The following GRXCR2 variants were observed in gnomAD, a reference collection of about 807,000 sequenced individuals.
GRXCR2 encodes glutaredoxin and cysteine rich domain containing 2.
GRXCR2 carries 23 observed loss-of-function variants against 24.8 expected under a neutral mutation model. The ratio of observed to expected loss-of-function variants is 0.93; its 90% confidence interval spans 0.67 to 1.32. The LOEUF (loss-of-function observed/expected upper bound fraction) is 1.32. Among genes scored for constraint, GRXCR2 ranks in the 40% most tolerant of loss-of-function variants. The pLI is 0.00. For missense variants in GRXCR2, 315 were observed against 303.4 expected (o/e 1.04, Z -0.28); for synonymous variants, 130 against 116.1 (o/e 1.12, Z -0.77).
downstream of GRXCR2, among the ~76,000 whole-genome samples, chr5:145,858,369 T>A (rs1756276320): frequency 6.7e-6 from 1 of 148,588 alleles, no homozygotes; most frequent in South Asian, 2.1e-4. Context: ...CTTCCTCTAG[T>A]ATTCTGAAAA....
At chr5:145,860,502 G>A (rs1756317085) in intron 2 of GRXCR2, among the ~76,000 whole-genome samples, 1 of 152,180 alleles carries the variant, frequency 6.6e-6, no homozygotes, top group African/African-American at 2.4e-5. Flanking sequence ...TAATGCCTAT[G>A]TGCACAGCCC....
rs1757112237 is a variant in GRXCR2 at position 145,907,756 on chromosome 5, A to G, written c.-70+27945T>C. Among the ~76,000 whole-genome samples the G allele has an allele frequency of 1.3e-5, 2 of 152,240 alleles. 1 individual carries two copies. The highest frequency in any genetic ancestry group is 3.9e-4 in the East Asian group (2 of 5,172). On this transcript the variant is annotated intron_variant, in intron 2 of 3. Transcript: ENST00000639411. ...GAAGTGTTGGGGAAGAAGAATAGGT[A>G]TTGGGGACAGAGTGGTGGAGGAGCT...
intron 2 of GRXCR2, among the ~76,000 whole-genome samples, chr5:145,902,649 TGAA>T (rs1184823315): frequency 2.0e-5 from 3 of 152,332 alleles, no homozygotes; most frequent in African/African-American, 7.2e-5. Context: ...AAGTTAAACA[TGAA>T]GAAGAGGTTG....
At chr5:145,931,531 C>G (rs1757477887) in intron 2 of GRXCR2, among the ~76,000 whole-genome samples, 1 of 152,210 alleles carries the variant, frequency 6.6e-6, no homozygotes, top group South Asian at 2.1e-4. Flanking sequence ...GAGGAAATCT[C>G]ACATCTGACT....
At chr5:145,890,054 C>A (rs560070559) in intron 2 of GRXCR2, among the ~76,000 whole-genome samples, 1 of 152,098 alleles carries the variant, frequency 6.6e-6, no homozygotes, top group Non-Finnish European at 1.5e-5. Context: ...TGAACTAAAC[C>A]AATCTGACAA....
chr5:145,910,664 C>G (rs1348122349), intron 2 of GRXCR2, among the ~76,000 whole-genome samples: 3 of 152,140 alleles, frequency 2.0e-5, no homozygotes, highest in Non-Finnish European at 2.9e-5. Flanking sequence ...CCTATCTGCA[C>G]TGTCATGGGG....
chr5:145,891,513 C>T lies in GRXCR2; in HGVS notation c.-69-24785G>A, dbSNP rs141381096. On this transcript the variant is annotated intron_variant, in intron 2 of 3. Coordinates refer to the GRXCR2 transcript ENST00000639411. ...CCTGTGCCTGGCTCGGAGGGTCCTA[C>T]GCCCACGGAGCCTTGCTCACTGCTA... Among the ~76,000 whole-genome samples, 85 of 152,332 alleles carry T rather than the reference C, an allele frequency of 5.6e-4. 2 individuals are homozygous for T. In the East Asian group the frequency reaches 0.011, roughly 20 times the overall value.
chr5:145,916,056 T>A (rs1308450353), intron 2 of GRXCR2, among the ~76,000 whole-genome samples: 7 of 152,286 alleles, frequency 4.6e-5, no homozygotes, highest in Non-Finnish European at 8.8e-5. Context: ...AAGCAGATGA[T>A]GCTCTGCAGA....
chr5:145,914,297 C>T (rs1757205233), intron 2 of GRXCR2, among the ~76,000 whole-genome samples: 1 of 152,128 alleles, frequency 6.6e-6, no homozygotes, highest in South Asian at 2.1e-4. Flanking sequence ...CTTATCATTT[C>T]ACTTGGTCTA....
chr5:145,879,413 T>C (rs1052179631), intron 2 of GRXCR2, among the ~76,000 whole-genome samples: 1 of 145,842 alleles, frequency 6.9e-6, no homozygotes, highest in African/African-American at 2.5e-5. Flanking sequence ...TAGTCTCTGA[T>C]AAAATAGACT....
rs74558600 is a variant in GRXCR2, at chr5:145,909,650, C to T, written c.-70+26051G>A. ...GCCAGAATATAAGCATGGACTTTGG[C>T]TTCTTCATCAATGCCTAGAATAGTG... On this transcript the variant is annotated intron_variant, in intron 2 of 3. Transcript: ENST00000639411. 2.0e-5 allele frequency among the ~76,000 whole-genome samples: 3 copies of T among 152,270 alleles called. No individual in the cohort carries two copies. In the East Asian group the frequency reaches 5.8e-4, roughly 29 times the overall value.
At chr5:145,896,834 C>G (rs796850465) in intron 2 of GRXCR2, among the ~76,000 whole-genome samples, 1 of 151,938 alleles carries the variant, frequency 6.6e-6, no homozygotes, top group Non-Finnish European at 1.5e-5. Context: ...CACATGCACA[C>G]GTATGTTTAT....
At chr5:145,907,093 G>A (rs1340147862) in intron 2 of GRXCR2, among the ~76,000 whole-genome samples, 2 of 152,102 alleles carry the variant, frequency 1.3e-5, no homozygotes, top group African/African-American at 4.8e-5. Context: ...GAGGACAGGG[G>A]GTAGGTCAGA....
At chr5:145,902,335 T>C (rs1757036066) in intron 2 of GRXCR2, among the ~76,000 whole-genome samples, 1 of 152,208 alleles carries the variant, frequency 6.6e-6, no homozygotes, top group Admixed American at 6.5e-5. Context: ...ACTCCTGGCC[T>C]CAAGTGATTC....
At chr5:145,871,984 A>G (rs1314545595) in intron 1 of GRXCR2, among the ~76,000 whole-genome samples, 1 of 152,212 alleles carries the variant, frequency 6.6e-6, no homozygotes, top group Non-Finnish European at 1.5e-5. Context: ...TTGATTATCC[A>G]TGGTACTGGG....
chr5:145,882,552 A>G (rs1171236801), intron 2 of GRXCR2, among the ~76,000 whole-genome samples: 2 of 152,174 alleles, frequency 1.3e-5, no homozygotes, highest in African/African-American at 4.8e-5. Context: ...GAGAAATAGG[A>G]ACACTTTTTA....
At chr5:145,875,939 G>C (rs894219301), upstream of GRXCR2, among the ~76,000 whole-genome samples, 1 of 152,042 alleles carries the variant, frequency 6.6e-6, no homozygotes, top group Non-Finnish European at 1.5e-5. Flanking sequence ...TGAGGCAGGA[G>C]GGTTGCTTGA....
intron 2 of GRXCR2, among the ~76,000 whole-genome samples, chr5:145,924,982 T>G (rs1423554421): frequency 3.3e-5 from 5 of 152,154 alleles, no homozygotes; most frequent in Non-Finnish European, 7.3e-5. Flanking sequence ...GTGCTTTAGA[T>G]GCAACACAAT....
chr5:145,925,746 A>G (rs985591408), intron 2 of GRXCR2, among the ~76,000 whole-genome samples: 1 of 152,174 alleles, frequency 6.6e-6, no homozygotes, highest in Non-Finnish European at 1.5e-5. Flanking sequence ...CATAATTAAC[A>G]CCATCACATG....
Sources: gnomAD v4.1 joint callset for allele counts (sites outside exome capture counted in the v4.1 genomes callset) on GRCh38, gnomAD v4.1.1 for gene constraint, MANE v1.5 for transcripts, NCBI Gene and HGNC (gene_info 2026-07-23, HGNC 2026-07-21) for gene names.